IL9R: variants seen among roughly 807,000 people sequenced by gnomAD.
IL9R encodes interleukin 9 receptor, also known as interleukin-9 receptor.
A neutral mutation model predicts 56.3 loss-of-function variants in IL9R; 54 were observed. The observed-to-expected ratio is 0.96, with a 90% confidence interval of 0.77 to 1.20. The LOEUF is 1.20. IL9R is among the 50% of genes most tolerant of loss of function. IL9R has a pLI of 0.00. For synonymous variants in IL9R, 212 were observed against 250.2 expected, an observed-to-expected ratio of 0.85 and a Z score of 1.44; for missense variants, 545 against 629.8, an observed-to-expected ratio of 0.87 and a Z score of 1.44.
Position 156,005,344 on chromosome X carries a change from C to A in IL9R, c.646C>A (p.Pro216Thr), listed in dbSNP as rs764877593. 2.8e-5 allele frequency: 45 copies of A among 1,612,404 alleles called. No homozygotes were observed. The highest frequency in any genetic ancestry group is 3.6e-5 in the Non-Finnish European group (42 of 1,179,802). The change falls in exon 6 of 9, where the codon CCT (proline) becomes ACT (threonine). Residue 216 changes from proline (P) to threonine (T), a missense_variant. Coordinates refer to ENST00000244174, the MANE Select transcript of IL9R (RefSeq NM_002186.3). ...TATACTTGAAGCCTTTGAGCTGGAC[C>A]CTGGCTTTATCCATGAGGCCAGGCT... Reference protein sequence around the residue: ...WLILEAFELDPGFIHEARLRV... With the variant: ...WLILEAFELDTGFIHEARLRV...
chrX:156,005,564 C>T, intron 6 of IL9R, 85 bp downstream of exon 6: 1 of 1,170,968 alleles, frequency 8.5e-7, no homozygotes, highest in Admixed American at 1.9e-5. Context: ...TGCACCCTTT[C>T]ACCCTCCTGT....
intron 8 of IL9R, among the ~76,000 whole-genome samples, chrX:156,009,225 CTGTG>C (rs1569478988): frequency 2.9e-4 from 8 of 27,136 alleles, no homozygotes; most frequent in Admixed American, 4.6e-4. Flanking sequence ...GTTTATGTGT[CTGTG>C]TGTGTTCGTG....
chrX:156,007,082 G>C (rs2981828), intron 7 of IL9R, among the ~76,000 whole-genome samples: 5,084 of 151,854 alleles, frequency 0.033, 299 homozygotes, highest in African/African-American at 0.12. Flanking sequence ...AGTCTATTTG[G>C]ACCTGTTGGG....
At chrX:156,002,115 G>A (rs1466585089) in intron 1 of IL9R, among the ~76,000 whole-genome samples, 2 of 152,124 alleles carry the variant, frequency 1.3e-5, no homozygotes, top group African/African-American at 4.8e-5. Context: ...GCCAAGGCAG[G>A]TGGATCCCTT....
chrX:155,999,642 C>T (rs971785403), intron 1 of IL9R, among the ~76,000 whole-genome samples: 1 of 152,164 alleles, frequency 6.6e-6, no homozygotes, highest in Non-Finnish European at 1.5e-5. Flanking sequence ...TTTCCAGCAC[C>T]ATTTTCTGGC....
At chrX:156,005,222 G>C (rs2067838156) in intron 5 of IL9R, 56 bp from the exon 6 acceptor site, 1 of 1,429,480 alleles carries the variant, frequency 7.0e-7, no homozygotes, top group Non-Finnish European at 9.9e-7. Flanking sequence ...GTATTCTCGA[G>C]GGCTGAGGGA....
chrX:156,009,163 GTGTGTATGTC>G (rs2068255722), intron 8 of IL9R, among the ~76,000 whole-genome samples: 4 of 129,416 alleles, frequency 3.1e-5, no homozygotes, highest in South Asian at 2.3e-4. Flanking sequence ...TTGTGTTTAT[GTGTGTATGTC>G]TGTGTGTGTC....
chrX:156,004,632 C>A, intron 5 of IL9R, 67 bp downstream of exon 5: 1 of 1,492,482 alleles, frequency 6.7e-7, no homozygotes. Flanking sequence ...GTAGACTCCC[C>A]ACTCTACATA....
intron 1 of IL9R, among the ~76,000 whole-genome samples, chrX:156,001,172 C>T (rs1290101672): frequency 3.3e-5 from 5 of 152,186 alleles, no homozygotes; most frequent in Non-Finnish European, 5.9e-5. Context: ...AGCCATCCCA[C>T]TCCCTGCTCT....
In IL9R at chrX:156,000,910, G is replaced by C. The variant is rs759255074; in HGVS notation, c.29-1996G>C. 3.9e-5 allele frequency among the ~76,000 whole-genome samples: 6 copies of C among 152,286 alleles called. No homozygotes were observed. The East Asian group carries it at 9.7e-4, about 25-fold the overall frequency. On this transcript the variant is annotated intron_variant, in intron 1 of 8. Coordinates refer to ENST00000244174, the MANE Select transcript of IL9R (RefSeq NM_002186.3). ...GAGAGGTGTCAGGAGCCAGGTATTG[G>C]GCAGGTCCCAGGTCTCTGAGCCTCA...
chrX:156,001,514 G>T (rs780741300), intron 1 of IL9R: 2 of 1,585,168 alleles, frequency 1.3e-6, no homozygotes, highest in Non-Finnish European at 1.7e-6. Context: ...AAAGGGTGAG[G>T]CTTCCTGATC....
Position 156,005,356 on chromosome X carries a change from C to T in IL9R, c.658C>T (p.His220Tyr). ...CTTTGAGCTGGACCCTGGCTTTATC[C>T]ATGAGGCCAGGCTGCGTGTCCAGAT... ...EAFELDPGFIHEARLRVQMAT... is the reference protein window; with the variant it reads ...EAFELDPGFIYEARLRVQMAT... The change falls in exon 6 of 9, where the codon CAT becomes TAT. Residue 220 changes from histidine to tyrosine, a missense_variant. Around this residue, in one of 2 missense-constraint regions of IL9R, gnomAD observed 431 missense variants for 360.0 expected, o/e 1.20. Coordinates refer to ENST00000244174, the MANE Select transcript of IL9R (RefSeq NM_002186.3). 1 of 1,612,690 alleles carries T rather than the reference C, an allele frequency of 6.2e-7. No homozygotes were observed. Among genetic ancestry groups the T allele is most frequent in the Non-Finnish European group, 8.5e-7 (1 of 1,179,744 alleles).
chrX:156,010,169 C>G lies in IL9R; in HGVS notation c.1326C>G (p.Asn442Lys), dbSNP rs1603205723. The stretch of plus-strand genomic sequence containing the variant: ...GCAGCAGCAGCAGCAACAACAACAA[C>G]TACTGTGCCTTGGGCTGCTATGGGG... The part of the protein sequence containing the change: ...SSSSSSSNNN[N>K]YCALGCYGGW... The change falls in exon 9 of 9, where the codon AAC becomes AAG. Residue 442 changes from asparagine (N) to lysine (K), a missense_variant. Asn to Lys is a moderately conservative substitution (Grantham distance 94). Transcript: ENST00000244174. 6.6e-7 allele frequency: 1 copy of G among 1,526,424 alleles called. No homozygotes were observed. Among genetic ancestry groups the G allele is most frequent in the Non-Finnish European group, 8.7e-7 (1 of 1,154,736 alleles). 94.6% of individuals were successfully genotyped at this position (1,526,424 alleles called of 1,614,324 possible).
intron 1 of IL9R, among the ~76,000 whole-genome samples, chrX:156,000,511 G>A (rs183442802): frequency 5.4e-4 from 83 of 152,322 alleles, no homozygotes; most frequent in African/African-American, 1.7e-3. Flanking sequence ...GGGATAGGCT[G>A]TGCTGGGCAG....
chrX:156,008,742 C>G (rs1330977327), intron 8 of IL9R, among the ~76,000 whole-genome samples: 2 of 152,216 alleles, frequency 1.3e-5, no homozygotes, highest in African/African-American at 4.8e-5. Flanking sequence ...GGCTCCTGGT[C>G]CCACCAAGGG....
Position 156,007,427 on chromosome X carries a change from G to A in IL9R, c.888-96G>A, listed in dbSNP as rs749895287. On this transcript the variant is annotated intron_variant, in intron 7 of 8. Coordinates refer to ENST00000244174, the MANE Select transcript of IL9R (RefSeq NM_002186.3). ...AGAGGCAGTGGCAGGGACGAGGTGG[G>A]CGGACCTCCTGCTGATGGAAGGAAG... 4 of 828,774 alleles carry A rather than the reference G, an allele frequency of 4.8e-6. No individual in the cohort carries two copies. The African/African-American group carries it at 5.1e-5, about 11-fold the overall frequency. 51.3% of individuals were successfully genotyped at this position (828,774 alleles called of 1,614,324 possible). A position where few individuals can be genotyped will look rare whatever the true frequency, so the allele number is the denominator to read the frequency against.
intron 4 of IL9R, chrX:156,004,130 T>C (rs2067743139): frequency 1.7e-6 from 1 of 599,812 alleles, no homozygotes; most frequent in East Asian, 2.8e-5. Flanking sequence ...ACTTCAGTCA[T>C]ACCAGGAAGG....
chrX:156,001,485 C>T (rs1818536817), intron 1 of IL9R: 1 of 1,609,388 alleles, frequency 6.2e-7, no homozygotes, highest in South Asian at 1.1e-5. Context: ...TGGTTCCAGG[C>T]TGCACGCTCC....
intron 6 of IL9R, 125 bp downstream of exon 6, chrX:156,005,604 G>A: frequency 1.3e-6 from 1 of 772,674 alleles, no homozygotes; most frequent in Non-Finnish European, 2.2e-6. Flanking sequence ...CCATGCCTCA[G>A]TTGACCCCCT....
Sources: allele counts gnomAD v4.1 joint callset (sites outside exome capture counted in the v4.1 genomes callset), GRCh38; gene constraint gnomAD v4.1.1; regional missense constraint gnomAD v4.1.1; transcripts MANE v1.5; gene names NCBI Gene and HGNC (gene_info 2026-07-23, HGNC 2026-07-21).